Variants in GPC5 observed in about 807,000 individuals in gnomAD.
GPC5 encodes glypican-5.
GPC5 carries 47 observed loss-of-function variants against 53.9 expected under a neutral mutation model. That is an observed-to-expected ratio of 0.87 (90% confidence interval 0.69 to 1.11). The LOEUF is 1.11. Ranked by LOEUF, GPC5 falls within the 50% of genes most tolerant of loss-of-function variation. The pLI is 0.00. For missense variants in GPC5, 748 were observed against 713.1 expected (o/e 1.05, Z -0.56); for synonymous variants, 286 against 263.3 (o/e 1.09, Z -0.84).
At chr13:92,352,413 TAAAC>T (rs1164115195) in intron 7 of GPC5, among the ~76,000 whole-genome samples, 1 of 152,132 alleles carries the variant, frequency 6.6e-6, no homozygotes, top group Non-Finnish European at 1.5e-5. Flanking sequence ...AATGTTATCA[TAAAC>T]TAAGCAAGAA....
chr13:92,119,772 T>G (rs1462508274), intron 6 of GPC5, among the ~76,000 whole-genome samples: 1 of 152,008 alleles, frequency 6.6e-6, no homozygotes, highest in Non-Finnish European at 1.5e-5. Context: ...TAATGCCTCC[T>G]TTGAATTTCA....
chr13:92,133,534 A>G (rs1250999513), intron 6 of GPC5, among the ~76,000 whole-genome samples: 1 of 152,190 alleles, frequency 6.6e-6, no homozygotes, highest in East Asian at 1.9e-4. Context: ...CAAGGAGGCA[A>G]TGGAAATTTT....
At chr13:92,183,800 T>C (rs1239476768) in intron 7 of GPC5, among the ~76,000 whole-genome samples, 1 of 152,068 alleles carries the variant, frequency 6.6e-6, no homozygotes, top group Non-Finnish European at 1.5e-5. Context: ...TTGGTGAGAT[T>C]TGTTCATAGA....
intron 6 of GPC5, among the ~76,000 whole-genome samples, chr13:92,047,349 T>A (rs2040990436): frequency 6.6e-6 from 1 of 151,984 alleles, no homozygotes; most frequent in Non-Finnish European, 1.5e-5. Flanking sequence ...GTTCCAGTAA[T>A]GAAAAATGTA....
intron 7 of GPC5, among the ~76,000 whole-genome samples, chr13:92,631,728 G>A (rs913828410): frequency 6.6e-6 from 1 of 151,970 alleles, no homozygotes; most frequent in East Asian, 1.9e-4. Flanking sequence ...AACTAAAATG[G>A]TCCAAAATTC....
chr13:92,752,725 G>A (rs1376235136), intron 7 of GPC5, among the ~76,000 whole-genome samples: 1 of 152,158 alleles, frequency 6.6e-6, no homozygotes, highest in African/African-American at 2.4e-5. Flanking sequence ...AGAAAGGGGT[G>A]ACGGAGGGCA....
At chr13:92,177,317 T>C (rs2042115801) in intron 7 of GPC5, among the ~76,000 whole-genome samples, 1 of 152,230 alleles carries the variant, frequency 6.6e-6, no homozygotes, top group Non-Finnish European at 1.5e-5. Context: ...ATCTTCACTG[T>C]TAATGTAATG....
At chr13:92,443,950 T>G (rs888419127) in intron 7 of GPC5, among the ~76,000 whole-genome samples, 24 of 152,194 alleles carry the variant, frequency 1.6e-4, no homozygotes, top group African/African-American at 5.5e-4. Flanking sequence ...CATGTGTGGA[T>G]TCCTATTATT....
chr13:92,256,364 C>A (rs1453830848), intron 7 of GPC5, among the ~76,000 whole-genome samples: 1 of 151,732 alleles, frequency 6.6e-6, no homozygotes, highest in Non-Finnish European at 1.5e-5. Flanking sequence ...ATAACAACAA[C>A]AAAAAATGAG....
chr13:92,209,348 G>A (rs1261326827), intron 7 of GPC5, among the ~76,000 whole-genome samples: 1 of 152,052 alleles, frequency 6.6e-6, no homozygotes, highest in African/African-American at 2.4e-5. Flanking sequence ...TATTACAAGT[G>A]GGAATATTAG....
At chr13:91,774,038 TTCTC>T (rs1439726006) in intron 5 of GPC5, among the ~76,000 whole-genome samples, 1 of 152,230 alleles carries the variant, frequency 6.6e-6, no homozygotes, top group Admixed American at 6.5e-5. Flanking sequence ...TGCATTGCTT[TTCTC>T]TCTAAAAGTT....
intron 2 of GPC5, among the ~76,000 whole-genome samples, chr13:91,630,068 A>G (rs1376635333): frequency 6.6e-6 from 1 of 152,192 alleles, no homozygotes; most frequent in African/African-American, 2.4e-5. Flanking sequence ...TTCATGCTTT[A>G]GAGATCAAAG....
At chr13:92,503,454 C>T (rs1189651873) in intron 7 of GPC5, among the ~76,000 whole-genome samples, 1 of 151,438 alleles carries the variant, frequency 6.6e-6, no homozygotes, top group East Asian at 1.9e-4. Flanking sequence ...AAAAGCTTGA[C>T]ATGAATAAGC....
chr13:92,267,520 C>T (rs2042810944), intron 7 of GPC5, among the ~76,000 whole-genome samples: 2 of 152,176 alleles, frequency 1.3e-5, no homozygotes, highest in Middle Eastern at 3.4e-3. Flanking sequence ...TCTCAGAATC[C>T]TTGGTTACTC....
At chr13:91,992,695 A>G (rs1358894647) in intron 6 of GPC5, among the ~76,000 whole-genome samples, 1 of 152,010 alleles carries the variant, frequency 6.6e-6, no homozygotes, top group Non-Finnish European at 1.5e-5. Context: ...TGACCTCATG[A>G]TCTGCCCACC....
At chr13:92,847,222 C>T (rs976296964) in intron 7 of GPC5, among the ~76,000 whole-genome samples, 2 of 152,126 alleles carry the variant, frequency 1.3e-5, no homozygotes, top group Admixed American at 6.6e-5. Context: ...AAACAATAAA[C>T]TTCTGCTTTG....
At chr13:91,629,369 A>G (rs188008557) in intron 2 of GPC5, among the ~76,000 whole-genome samples, 281 of 152,222 alleles carry the variant, frequency 1.8e-3, no homozygotes, top group African/African-American at 5.8e-3. Flanking sequence ...CAGGCTGGGC[A>G]TGATGGCTCA....
At chr13:91,617,538 C>A (rs189411052) in intron 2 of GPC5, among the ~76,000 whole-genome samples, 2 of 152,140 alleles carry the variant, frequency 1.3e-5, no homozygotes, top group East Asian at 1.9e-4. Context: ...CAAATAAAGT[C>A]TTGGATAGGA....
At chr13:91,623,668 A>T (rs1370384826) in intron 2 of GPC5, among the ~76,000 whole-genome samples, 1 of 152,138 alleles carries the variant, frequency 6.6e-6, no homozygotes, top group African/African-American at 2.4e-5. Flanking sequence ...TTTCATATGT[A>T]AAAAAATCTG....
Sources: gnomAD v4.1 joint callset for allele counts (sites outside exome capture counted in the v4.1 genomes callset) on GRCh38, gnomAD v4.1.1 for gene constraint, MANE v1.5 for transcripts, NCBI Gene and HGNC (gene_info 2026-07-23, HGNC 2026-07-21) for gene names.